Variants in CERS6 observed in about 807,000 individuals in gnomAD.
CERS6 encodes LAG1 homolog, ceramide synthase 6.
Under a neutral mutation model 56.8 loss-of-function variants are expected in CERS6, and 26 were observed. That is an observed-to-expected ratio of 0.46 (90% CI 0.34 to 0.63). The LOEUF is 0.63. CERS6 is among the 30% of genes least tolerant of loss of function. The pLI, the probability that CERS6 is intolerant of heterozygous loss-of-function variation, is 0.01. For synonymous variants in CERS6, 164 were observed against 173.3 expected, an observed-to-expected ratio of 0.95 and a Z score of 0.42; for missense variants, 415 against 467.5, an observed-to-expected ratio of 0.89 and a Z score of 1.04.
At chr2:168,502,119 C>T (rs781380717) in intron 1 of CERS6, among the ~76,000 whole-genome samples, 6 of 152,146 alleles carry the variant, frequency 3.9e-5, no homozygotes, top group African/African-American at 9.7e-5. Context: ...ACCTGAGACA[C>T]GACACTTGGG....
chr2:168,661,478 C>T (rs907235603), intron 4 of CERS6, among the ~76,000 whole-genome samples: 2 of 152,110 alleles, frequency 1.3e-5, no homozygotes, highest in South Asian at 2.1e-4. Context: ...TTTTCATCTC[C>T]GACAAAACCT....
intron 4 of CERS6, among the ~76,000 whole-genome samples, chr2:168,642,200 C>T (rs989332855): frequency 2.0e-5 from 3 of 151,996 alleles, no homozygotes; most frequent in South Asian, 2.1e-4. Flanking sequence ...GACAAAACGC[C>T]GTCTCTACAA....
At chr2:168,614,669 C>T (rs1452769217) in intron 3 of CERS6, among the ~76,000 whole-genome samples, 2 of 152,126 alleles carry the variant, frequency 1.3e-5, no homozygotes, top group Non-Finnish European at 2.9e-5. Flanking sequence ...AACATAACTC[C>T]ATTGGCCTGG....
intron 4 of CERS6, among the ~76,000 whole-genome samples, chr2:168,646,719 G>A (rs564848496): frequency 1.3e-5 from 2 of 152,238 alleles, no homozygotes; most frequent in Non-Finnish European, 1.5e-5. Context: ...TTTGTATATG[G>A]TGTAAGGAAG....
In CERS6 at chr2:168,694,961, A is replaced by T. The variant is rs1445803230; in HGVS notation, c.519A>T (p.Pro173=). ...RHCWYNYPYQ[P]LTTDLHYYYI... ...CCTTTTTTTTCTTTCACCTTCAGCC[A>T]CTCACAACTGACCTTCACTACTATT... The change falls in exon 6 of 10, where the codon CCA becomes CCT. Residue 173 remains proline (P), a splice_region_variant and synonymous_variant. Transcript: ENST00000305747. The T allele has an allele frequency of 6.2e-7, 1 of 1,612,518 alleles. No individual in the cohort carries two copies. The highest frequency in any genetic ancestry group is 1.7e-5 in the Admixed American group (1 of 59,914).
intron 5 of CERS6, among the ~76,000 whole-genome samples, chr2:168,693,347 G>A (rs574582886): frequency 3.3e-5 from 5 of 152,176 alleles, no homozygotes; most frequent in Middle Eastern, 6.8e-3. Context: ...AGCACTCGTC[G>A]GACATAGTAA....
At chr2:168,589,172 G>C (rs1427014078) in intron 3 of CERS6, among the ~76,000 whole-genome samples, 2 of 152,084 alleles carry the variant, frequency 1.3e-5, no homozygotes, top group Admixed American at 6.5e-5. Context: ...AGTAAACAAG[G>C]GTTCCAATTT....
chr2:168,465,711 T>C (rs114413898), intron 1 of CERS6, among the ~76,000 whole-genome samples: 1,862 of 152,250 alleles, frequency 0.012, 23 homozygotes, highest in African/African-American at 0.028. Context: ...AGTGGAGTGA[T>C]GACTGCAAGG....
intron 4 of CERS6, among the ~76,000 whole-genome samples, chr2:168,682,302 T>C (rs1481330630): frequency 6.6e-6 from 1 of 152,216 alleles, no homozygotes; most frequent in African/African-American, 2.4e-5. Context: ...TAATAGTTAA[T>C]ATATGAACAT....
At chr2:168,464,864 T>C (rs555923353) in intron 1 of CERS6, among the ~76,000 whole-genome samples, 1 of 152,224 alleles carries the variant, frequency 6.6e-6, no homozygotes, top group Non-Finnish European at 1.5e-5. Context: ...GGATGGCTGC[T>C]ATCAAAACAA....
chr2:168,619,443 C>T (rs187305072), intron 3 of CERS6, among the ~76,000 whole-genome samples: 15 of 152,100 alleles, frequency 9.9e-5, no homozygotes, highest in South Asian at 4.2e-4. Flanking sequence ...AGAAAATCTT[C>T]GCAATCTATA....
At chr2:168,645,692 C>T (rs1032035792) in intron 4 of CERS6, among the ~76,000 whole-genome samples, 1 of 152,060 alleles carries the variant, frequency 6.6e-6, no homozygotes, top group Admixed American at 6.6e-5. Context: ...CTTCCTCCCA[C>T]CCACCACCGT....
At chr2:168,666,265 T>C (rs549943030) in intron 4 of CERS6, among the ~76,000 whole-genome samples, 8 of 152,314 alleles carry the variant, frequency 5.3e-5, no homozygotes, top group South Asian at 2.1e-4. Context: ...CATTACACTG[T>C]CATGGAGAGT....
chr2:168,683,250 G>A (rs567575215), intron 4 of CERS6, among the ~76,000 whole-genome samples: 16 of 152,086 alleles, frequency 1.1e-4, no homozygotes, highest in Admixed American at 5.2e-4. Flanking sequence ...TGGTTTTCCT[G>A]TAAGTATATA....
At chr2:168,732,995 G>T (rs866915633) in intron 8 of CERS6, among the ~76,000 whole-genome samples, 1 of 152,108 alleles carries the variant, frequency 6.6e-6, no homozygotes. Flanking sequence ...GTGATGCCGA[G>T]TTGTGCTTAA....
intron 3 of CERS6, chr2:168,582,938 T>C (rs1316208848): frequency 6.5e-6 from 1 of 154,400 alleles, no homozygotes; most frequent in African/African-American, 2.4e-5. Flanking sequence ...AGCTATAGAT[T>C]AGCCTATATT....
At chr2:168,537,026 C>A (rs1163241703) in intron 1 of CERS6, among the ~76,000 whole-genome samples, 1 of 152,150 alleles carries the variant, frequency 6.6e-6, no homozygotes, top group Non-Finnish European at 1.5e-5. Flanking sequence ...TTCTCTTTCA[C>A]CACAAGATTA....
intron 1 of CERS6, among the ~76,000 whole-genome samples, chr2:168,488,394 A>G (rs1247651155): frequency 1.3e-5 from 2 of 152,256 alleles, no homozygotes; most frequent in African/African-American, 4.8e-5. Flanking sequence ...TAATAGATTT[A>G]TTTTGATTAT....
intron 1 of CERS6, among the ~76,000 whole-genome samples, chr2:168,501,673 CT>C (rs1694583069): frequency 6.6e-6 from 1 of 152,198 alleles, no homozygotes; most frequent in African/African-American, 2.4e-5. Context: ...GTTTTTGTGA[CT>C]TTTGCCAGAC....
Sources: gnomAD v4.1 joint callset for allele counts (sites outside exome capture counted in the v4.1 genomes callset) on GRCh38, gnomAD v4.1.1 for gene constraint, MANE v1.5 for transcripts, NCBI Gene and HGNC (gene_info 2026-07-23, HGNC 2026-07-21) for gene names.